The following WAPL variants were observed in gnomAD, a reference collection of about 807,000 sequenced individuals.
WAPL encodes the protein wings apart-like protein homolog.
Under a neutral mutation model 121.0 loss-of-function variants are expected in WAPL, and 5 were observed. The ratio of observed to expected loss-of-function variants is 0.04; its 90% CI spans 0.02 to 0.09. The LOEUF (loss-of-function observed/expected upper bound fraction) is 0.09, where lower values mean the gene tolerates loss of function less well. Ranked by LOEUF, WAPL falls within the 10% of genes least tolerant of loss-of-function variation. WAPL has a pLI of 1.00. For synonymous variants in WAPL, 480 were observed against 481.5 expected, an observed-to-expected ratio of 1.00 and a Z score of 0.04; for missense variants, 999 against 1,410.8, an observed-to-expected ratio of 0.71 and a Z score of 4.68.
chr10:86,500,548 A>G lies in WAPL; in HGVS notation c.695T>C (p.Val232Ala). 1.2e-6 allele frequency: 2 copies of G among 1,614,148 alleles called. No individual in the cohort carries two copies. The highest frequency in any genetic ancestry group is 1.3e-5 in the African/African-American group (1 of 75,062). The change falls in exon 3 of 19, where the codon GTT (valine) becomes GCT (alanine). Residue 232 changes from valine to alanine, a missense_variant. Physicochemically the swap from Val to Ala is moderately conservative, Grantham distance 64. Around this residue, in one of 7 missense-constraint regions of WAPL, gnomAD observed 531 missense variants for 563.1 expected, o/e 0.94. Transcript: ENST00000298767. ...PSEISPIKGSVRTGLFEWDND... is the reference protein window; with the variant it reads ...PSEISPIKGSARTGLFEWDND... ...ATCCCATTCAAACAAACCAGTTCTAACAGATCCCTTGATTGGAGATATTTC... is the reference window on the plus strand; with the variant it reads ...ATCCCATTCAAACAAACCAGTTCTAGCAGATCCCTTGATTGGAGATATTTC...
intron 16 of WAPL, among the ~76,000 whole-genome samples, chr10:86,445,150 C>T (rs772933379): frequency 1.3e-5 from 2 of 152,012 alleles, no homozygotes; most frequent in African/African-American, 4.8e-5. Context: ...GGAGGAGGCT[C>T]AAATCTCTGA....
At chr10:86,478,991 G>C (rs1233673134) in intron 4 of WAPL, among the ~76,000 whole-genome samples, 4 of 151,966 alleles carry the variant, frequency 2.6e-5, no homozygotes, top group Non-Finnish European at 5.9e-5. Context: ...CAGCTACCCC[G>C]GGAGGCTGAG....
Position 86,517,917 on chromosome 10 carries a change from G to A in WAPL, c.153C>T (p.Phe51=), listed in dbSNP as rs1431287309. The A allele has an allele frequency of 1.9e-6, 3 of 1,613,968 alleles. No homozygotes were observed. Among genetic ancestry groups the A allele is most frequent in the African/African-American group, 2.7e-5 (2 of 74,904 alleles). The change falls in exon 2 of 19, where the codon TTC becomes TTT. Residue 51 remains phenylalanine (F), a synonymous_variant. Transcript: ENST00000298767. ...MAKLGQKRPN[F]KPDIQEIPKK... is the part of the protein sequence containing the mutation. Reference sequence around the variant, plus strand: ...TCGGAATTTCTTGGATATCTGGTTTGAAATTGGGCCTCTTCTGCCCTAATT... The same window carrying A: ...TCGGAATTTCTTGGATATCTGGTTTAAAATTGGGCCTCTTCTGCCCTAATT...
chr10:86,513,852 C>T (rs997874709), intron 2 of WAPL, among the ~76,000 whole-genome samples: 4 of 152,038 alleles, frequency 2.6e-5, no homozygotes, highest in South Asian at 4.1e-4. Flanking sequence ...AAAGATATGA[C>T]GGAACTTCAC....
chr10:86,452,137 A>G lies in WAPL; in HGVS notation c.2950-6T>C. On this transcript the variant is annotated splice_polypyrimidine_tract_variant and splice_region_variant and intron_variant, in intron 14 of 18. Transcript: ENST00000298767. ...TTTATCAGCAGACCTAAGCCCTTCA[A>G]AAAGTTTAAAAGACACATATTATCA... The G allele has an allele frequency of 6.2e-7, 1 of 1,611,666 alleles. No individual in the cohort carries two copies. The highest frequency in any genetic ancestry group is 2.2e-5 in the East Asian group (1 of 44,852).
intron 4 of WAPL, among the ~76,000 whole-genome samples, chr10:86,486,752 C>T (rs761092146): frequency 2.0e-5 from 3 of 151,980 alleles, no homozygotes; most frequent in Non-Finnish European, 4.4e-5. Flanking sequence ...CTCAGGAGCC[C>T]GAGACTAGCC....
rs375598821 is a variant in WAPL at position 86,485,729 on chromosome 10, T to C, written c.1644+11472A>G. Among the ~76,000 whole-genome samples, 242 of 44,434 alleles carry C rather than the reference T, an allele frequency of 5.4e-3. 1 individual carries two copies. The highest frequency in any genetic ancestry group is 0.025 in the African/African-American group (230 of 9,274). 29.2% of individuals were successfully genotyped at this position (44,434 alleles called of 152,430 possible). On this transcript the variant is annotated intron_variant, in intron 4 of 18. Coordinates refer to ENST00000298767, the MANE Select transcript of WAPL (RefSeq NM_015045.5). ...TAATATTTAAGTTAAATACTACCTA[T>C]ATAAAAGGAAGCAATATGCTTCTGG...
At chr10:86,504,664 A>C (rs1307303988) in intron 2 of WAPL, among the ~76,000 whole-genome samples, 2 of 151,422 alleles carry the variant, frequency 1.3e-5, no homozygotes, top group Non-Finnish European at 2.9e-5. Flanking sequence ...AAAAAAAAAG[A>C]AAAAGGAATA....
In WAPL at chr10:86,440,212, G is replaced by A. The variant is rs537268123; in HGVS notation, c.3412-2197C>T. On this transcript the variant is annotated intron_variant, in intron 17 of 18. Coordinates refer to ENST00000298767, the MANE Select transcript of WAPL (RefSeq NM_015045.5). The stretch of plus-strand genomic sequence containing the variant: ...CAAGAACGATTATGTAAGAAAGAAC[G>A]TGACTGAAATATGACTAAACCTATA... 7.9e-5 allele frequency among the ~76,000 whole-genome samples: 12 copies of A among 152,170 alleles called. No individual in the cohort carries two copies. In the Middle Eastern group the frequency reaches 0.014, roughly 174 times the overall value.
At chr10:86,519,555 T>C (rs1271203749) in intron 1 of WAPL, among the ~76,000 whole-genome samples, 1 of 152,176 alleles carries the variant, frequency 6.6e-6, no homozygotes, top group Non-Finnish European at 1.5e-5. Flanking sequence ...AATTTAGTCA[T>C]CATACATATC....
chr10:86,516,243 C>T (rs942784577), intron 2 of WAPL, among the ~76,000 whole-genome samples: 9 of 152,126 alleles, frequency 5.9e-5, no homozygotes, highest in Non-Finnish European at 8.8e-5. Context: ...GTGGGCAAAG[C>T]AGGAAGGACA....
intron 1 of WAPL, among the ~76,000 whole-genome samples, chr10:86,518,931 G>C (rs1002506047): frequency 1.3e-5 from 2 of 152,186 alleles, no homozygotes; most frequent in African/African-American, 4.8e-5. Context: ...CATCTCCCTA[G>C]GGAAAGAAAC....
chr10:86,514,248 TC>T (rs1176005881), intron 2 of WAPL, among the ~76,000 whole-genome samples: 1 of 152,072 alleles, frequency 6.6e-6, no homozygotes, highest in Non-Finnish European at 1.5e-5. Context: ...TACAAAAGCA[TC>T]CCCACAACTA....
At chr10:86,450,706 T>C (rs775699956) in intron 15 of WAPL, among the ~76,000 whole-genome samples, 2 of 152,222 alleles carry the variant, frequency 1.3e-5, no homozygotes, top group Non-Finnish European at 2.9e-5. Context: ...CCATTTACTA[T>C]TACTGTTACT....
intron 9 of WAPL, 99 bp from the exon 10 acceptor site, chr10:86,461,386 A>G: frequency 2.4e-6 from 2 of 843,426 alleles, no homozygotes; most frequent in Admixed American, 4.7e-5. Context: ...CATGTAGTTT[A>G]ACACCACTTT....
chr10:86,495,339 C>T lies in WAPL; in HGVS notation c.1644+1862G>A, dbSNP rs542781567. On this transcript the variant is annotated intron_variant, in intron 4 of 18. Coordinates refer to ENST00000298767, the MANE Select transcript of WAPL (RefSeq NM_015045.5). ...AAAATTAGCCAGGTATCATAATGCA[C>T]GCCTGTAGTCCCAGCTATTTAGGAG... Among the ~76,000 whole-genome samples the T allele has an allele frequency of 5.3e-5, 8 of 152,106 alleles. No individual in the cohort carries two copies. In the East Asian group the frequency reaches 9.7e-4, roughly 18 times the overall value.
intron 4 of WAPL, among the ~76,000 whole-genome samples, chr10:86,494,534 G>T (rs1394349103): frequency 6.6e-6 from 1 of 152,192 alleles, no homozygotes; most frequent in Non-Finnish European, 1.5e-5. Context: ...TAGAGAACTT[G>T]TATCTACCAC....
intron 4 of WAPL, among the ~76,000 whole-genome samples, chr10:86,490,080 G>A (rs1204637931): frequency 2.0e-5 from 3 of 151,924 alleles, no homozygotes; most frequent in Admixed American, 6.6e-5. Flanking sequence ...CGGGCATGGT[G>A]GTGCACGTCT....
chr10:86,475,401 A>G (rs1267414990), intron 4 of WAPL, among the ~76,000 whole-genome samples: 4 of 152,240 alleles, frequency 2.6e-5, no homozygotes, highest in Non-Finnish European at 5.9e-5. Flanking sequence ...ATCATACTTC[A>G]AGACCGTCAA....
Sources: allele counts gnomAD v4.1 joint callset (sites outside exome capture counted in the v4.1 genomes callset), GRCh38; gene constraint gnomAD v4.1.1; regional missense constraint gnomAD v4.1.1; transcripts MANE v1.5; gene names NCBI Gene and HGNC (gene_info 2026-07-23, HGNC 2026-07-21).